Variants in RBPMS observed in about 807,000 individuals in gnomAD.
RBPMS encodes the protein RNA binding protein, mRNA processing factor.
In RBPMS, 7 loss-of-function variants were observed where a neutral mutation model predicts 26.8. The observed-to-expected ratio is 0.26, with a 90% CI of 0.15 to 0.49. RBPMS has a LOEUF of 0.49. Among genes scored for constraint, RBPMS ranks in the 20% least tolerant of loss-of-function variants. The pLI, the probability that RBPMS is intolerant of heterozygous loss-of-function variation, is 0.98. For missense variants in RBPMS, 186 were observed against 250.0 expected, an observed-to-expected ratio of 0.74 and a Z score of 1.73; for synonymous variants, 96 against 93.3, an observed-to-expected ratio of 1.03 and a Z score of -0.17.
intron 6 of RBPMS, among the ~76,000 whole-genome samples, chr8:30,546,572 C>A (rs1399917234): frequency 2.0e-5 from 3 of 152,296 alleles, no homozygotes; most frequent in South Asian, 2.1e-4. Context: ...ATGCACTGCC[C>A]ATGGTGGCAC....
intron 5 of RBPMS, among the ~76,000 whole-genome samples, chr8:30,516,027 C>G (rs558163339): frequency 1.3e-5 from 2 of 152,136 alleles, no homozygotes; most frequent in Non-Finnish European, 2.9e-5. Flanking sequence ...ATCGTTTTTA[C>G]GTGTGTAAAG....
In RBPMS at chr8:30,456,835, G is replaced by T. The variant is rs554036221; in HGVS notation, c.67-17944G>T. On this transcript the variant is annotated intron_variant, in intron 1 of 8. Transcript: ENST00000397323. The stretch of plus-strand genomic sequence containing the variant: ...ACTTGGGAGGCTGAGGCAGAGAATT[G>T]CTTGAAACCCCGGAGGTGGAGGTTG... 3.3e-5 allele frequency among the ~76,000 whole-genome samples: 5 copies of T among 152,288 alleles called. No individual in the cohort carries two copies. The East Asian group carries it at 9.6e-4, about 29-fold the overall frequency.
chr8:30,437,893 A>G (rs1181244656), intron 1 of RBPMS, among the ~76,000 whole-genome samples: 1 of 151,550 alleles, frequency 6.6e-6, no homozygotes, highest in Admixed American at 6.6e-5. Flanking sequence ...TGGGAGGTGG[A>G]GGTTGCAATG....
Position 30,489,083 on chromosome 8 carries a change from G to T in RBPMS, c.246+9706G>T, listed in dbSNP as rs114674984. Among the ~76,000 whole-genome samples the T allele has an allele frequency of 2.6e-3, 400 of 152,240 alleles. 1 individual carries two copies. Among genetic ancestry groups the T allele is most frequent in the African/African-American group, 9.4e-3 (392 of 41,542 alleles). On this transcript the variant is annotated intron_variant, in intron 4 of 8. Coordinates refer to ENST00000397323, the MANE Select transcript of RBPMS (RefSeq NM_001008710.3). ...TGTTGTTAAGACAGGGTCTTGTCCT[G>T]TTGCCCAGGCTGGAGTGCAGTGGTG... is the stretch of plus-strand genomic sequence containing the variant.
chr8:30,477,945 T>A (rs1452861967), intron 3 of RBPMS, 108 bp downstream of exon 3: 2 of 765,092 alleles, frequency 2.6e-6, no homozygotes, highest in African/African-American at 3.5e-5. Context: ...AGGGGTTTTT[T>A]GTCTTTAAAA....
At chr8:30,491,421 T>TA (rs1258639534) in intron 4 of RBPMS, among the ~76,000 whole-genome samples, 2 of 152,090 alleles carry the variant, frequency 1.3e-5, no homozygotes, top group South Asian at 4.2e-4. Context: ...TTCATTTCAT[T>TA]AACATTACCT....
Position 30,387,707 on chromosome 8 carries a change from C to G in RBPMS, c.66+2549C>G, listed in dbSNP as rs559340971. Reference sequence around the variant, plus strand: ...CATTAAGGGAAAATAGTTTATTTCACAGATCATGAGGGTGGTTTGGGCTTT... The same window carrying G: ...CATTAAGGGAAAATAGTTTATTTCAGAGATCATGAGGGTGGTTTGGGCTTT... On this transcript the variant is annotated intron_variant, in intron 1 of 8. Transcript: ENST00000397323. Among the ~76,000 whole-genome samples the G allele has an allele frequency of 6.7e-4, 102 of 152,312 alleles. 1 individual carries two copies. The highest frequency in any genetic ancestry group is 1.1e-3 in the Non-Finnish European group (78 of 68,028).
At chr8:30,477,140 C>A (rs976733564) in intron 2 of RBPMS, among the ~76,000 whole-genome samples, 29 of 152,150 alleles carry the variant, frequency 1.9e-4, no homozygotes, top group African/African-American at 7.0e-4. Flanking sequence ...GCAAGCTCTG[C>A]CTCCCGGGTT....
chr8:30,422,665 C>T (rs1278695343), intron 1 of RBPMS, among the ~76,000 whole-genome samples: 5 of 152,070 alleles, frequency 3.3e-5, no homozygotes, highest in Admixed American at 3.3e-4. Flanking sequence ...CAAGAGAAAC[C>T]CAAATGTACG....
Position 30,395,338 on chromosome 8 carries a change from G to A in RBPMS, c.66+10180G>A, listed in dbSNP as rs147949608. On this transcript the variant is annotated intron_variant, in intron 1 of 8. Coordinates refer to ENST00000397323, the MANE Select transcript of RBPMS (RefSeq NM_001008710.3). ...AAATTAGCCAGGCGTGGTGGCGTGT[G>A]CCTGTAGTCCCAGCTACTTAGGAGG... is the stretch of plus-strand genomic sequence containing the variant. 4.4e-3 allele frequency among the ~76,000 whole-genome samples: 72 copies of A among 16,538 alleles called. 1 individual carries two copies. The highest frequency in any genetic ancestry group is 0.037 in the African/African-American group (63 of 1,714). 10.8% of individuals were successfully genotyped at this position (16,538 alleles called of 152,430 possible). A position where few individuals can be genotyped will look rare whatever the true frequency, so the allele number is the denominator to read the frequency against.
At chr8:30,531,417 C>CTGACA (rs1175385395) in intron 5 of RBPMS, among the ~76,000 whole-genome samples, 3 of 152,214 alleles carry the variant, frequency 2.0e-5, no homozygotes, top group Non-Finnish European at 4.4e-5. Context: ...AGATTTCAGA[C>CTGACA]TGACAGGCAA....
chr8:30,496,464 G>A (rs555751858), intron 4 of RBPMS, among the ~76,000 whole-genome samples: 2 of 152,196 alleles, frequency 1.3e-5, no homozygotes, highest in East Asian at 1.9e-4. Context: ...CACCGTGCCC[G>A]GCCACCCTCA....
In RBPMS at chr8:30,520,699, G is replaced by C. The variant is rs1044404306; in HGVS notation, c.397+16263G>C. Among the ~76,000 whole-genome samples, 12 of 152,304 alleles carry C rather than the reference G, an allele frequency of 7.9e-5. No individual in the cohort carries two copies. In the South Asian group the frequency reaches 8.3e-4, roughly 11 times the overall value. On this transcript the variant is annotated intron_variant, in intron 5 of 8. Transcript: ENST00000397323. Reference sequence around the variant, plus strand: ...CAACTCCTTTATCCACAGAAAAGGAGGTTGAGGTAGGAAGATCCCTGGAGC... The same window carrying C: ...CAACTCCTTTATCCACAGAAAAGGACGTTGAGGTAGGAAGATCCCTGGAGC...
At chr8:30,477,658 T>G in intron 2 of RBPMS, 141 bp from the exon 3 acceptor site, 1 of 604,782 alleles carries the variant, frequency 1.7e-6, no homozygotes, top group Non-Finnish European at 3.0e-6. Flanking sequence ...TGCACATGCA[T>G]GTGTGTAATT....
chr8:30,410,687 T>C (rs1182575992), intron 1 of RBPMS, among the ~76,000 whole-genome samples: 1 of 151,856 alleles, frequency 6.6e-6, no homozygotes, highest in Admixed American at 6.6e-5. Flanking sequence ...TAAACATTAT[T>C]TGATAACTGA....
chr8:30,544,219 C>G (rs906018795), intron 5 of RBPMS, among the ~76,000 whole-genome samples: 3 of 152,008 alleles, frequency 2.0e-5, no homozygotes, highest in Admixed American at 6.5e-5. Flanking sequence ...CAGCTACAGT[C>G]GGAAAGACAT....
intron 7 of RBPMS, among the ~76,000 whole-genome samples, chr8:30,561,385 T>A (rs987360226): frequency 6.6e-6 from 1 of 152,206 alleles, no homozygotes; most frequent in African/African-American, 2.4e-5. Flanking sequence ...CAGATGGCAC[T>A]GAGCGGACCC....
At chr8:30,393,152 T>G (rs1256046614) in intron 1 of RBPMS, among the ~76,000 whole-genome samples, 1 of 152,170 alleles carries the variant, frequency 6.6e-6, no homozygotes, top group African/African-American at 2.4e-5. Context: ...ACATATAATC[T>G]GCCTGTTTTT....
chr8:30,386,950 T>A (rs1807178589), intron 1 of RBPMS: 1 of 152,158 alleles, frequency 6.6e-6, no homozygotes, highest in South Asian at 2.1e-4. Flanking sequence ...CACATTTTTC[T>A]GCTTGACCCC....
Sources: allele counts gnomAD v4.1 joint callset (sites outside exome capture counted in the v4.1 genomes callset), GRCh38; gene constraint gnomAD v4.1.1; transcripts MANE v1.5; gene names NCBI Gene and HGNC (gene_info 2026-07-23, HGNC 2026-07-21).